CUBN: variants seen among roughly 807,000 people sequenced by gnomAD.
CUBN encodes the protein cubilin.
In CUBN, 282 loss-of-function variants were observed where a neutral mutation model predicts 405.3. The observed-to-expected ratio is 0.70, with a 90% CI of 0.63 to 0.77. CUBN has a LOEUF of 0.77. CUBN is among the 30% of genes least tolerant of loss of function. The pLI is 0.00. For synonymous variants in CUBN, 1,684 were observed against 1,617.0 expected (o/e 1.04, Z -0.99); for missense variants, 4,514 against 4,475.2 (o/e 1.01, Z -0.25).
At chr10:16,973,373 T>C (rs191588896) in intron 31 of CUBN, among the ~76,000 whole-genome samples, 2 of 152,282 alleles carry the variant, frequency 1.3e-5, no homozygotes, top group African/African-American at 4.8e-5. Context: ...CACTGAGCCC[T>C]AGATATGCTA....
intron 47 of CUBN, among the ~76,000 whole-genome samples, chr10:16,914,811 T>C (rs1841835948): frequency 6.6e-6 from 1 of 152,206 alleles, no homozygotes; most frequent in African/African-American, 2.4e-5. Context: ...ACAGTATAAC[T>C]CTCATCCTCT....
In CUBN at chr10:17,006,975, C is replaced by T. The variant is rs1236323412; in HGVS notation, c.4168+12858G>A. Among the ~76,000 whole-genome samples the T allele has an allele frequency of 2.6e-5, 4 of 152,292 alleles. No homozygotes were observed. The East Asian group carries it at 7.7e-4, about 29-fold the overall frequency. On this transcript the variant is annotated intron_variant, in intron 28 of 66. Transcript: ENST00000377833. ...CCCTTAGCCCTGCTCCTGCAAGCTCCCAGCTGAAGGGTTCGCTCCCTTTGC... is the reference window on the plus strand; with the variant it reads ...CCCTTAGCCCTGCTCCTGCAAGCTCTCAGCTGAAGGGTTCGCTCCCTTTGC...
intron 6 of CUBN, among the ~76,000 whole-genome samples, chr10:17,121,105 G>A (rs1244041724): frequency 2.6e-5 from 4 of 152,170 alleles, no homozygotes; most frequent in Admixed American, 2.6e-4. Flanking sequence ...GAGAAACAGA[G>A]TCCTGGAATC....
At chr10:17,026,583 G>A (rs751710179) in intron 27 of CUBN, among the ~76,000 whole-genome samples, 19 of 151,394 alleles carry the variant, frequency 1.3e-4, no homozygotes, top group Non-Finnish European at 2.1e-4. Flanking sequence ...GCAGTGAGCC[G>A]AGATCGCACC....
Position 16,877,014 on chromosome 10 carries a change from T to A in CUBN, c.8989A>T (p.Thr2997Ser). Reference protein sequence around the residue: ...GYSVMSTPFATVCGDEMPAPL... With the variant: ...GYSVMSTPFASVCGDEMPAPL... ...GCTGGCATCTCATCCCCACACACAG[T>A]AGCAAATGGGGTGGACATGACGCTG... Residue 2997 changes from threonine (T) to serine (S), a missense_variant, in exon 57 of 67, where the codon ACT becomes TCT. Coordinates refer to ENST00000377833, the MANE Select transcript of CUBN (RefSeq NM_001081.4). The A allele has an allele frequency of 6.2e-7, 1 of 1,614,036 alleles. No homozygotes were observed. Among genetic ancestry groups the A allele is most frequent in the Non-Finnish European group, 8.5e-7 (1 of 1,179,954 alleles).
intron 39 of CUBN, among the ~76,000 whole-genome samples, chr10:16,935,480 T>C (rs1453997973): frequency 2.0e-5 from 3 of 151,888 alleles, no homozygotes; most frequent in African/African-American, 7.3e-5. Context: ...TCCTGGAGAG[T>C]AGAGATTGTA....
chr10:17,018,783 A>C (rs1203295720), intron 28 of CUBN, among the ~76,000 whole-genome samples: 1 of 152,152 alleles, frequency 6.6e-6, no homozygotes, highest in Non-Finnish European at 1.5e-5. Flanking sequence ...CAGACCGCTG[A>C]TTGGTACATT....
At chr10:17,109,784 G>T in intron 9 of CUBN, 49 bp from the exon 10 acceptor site, 1 of 1,439,078 alleles carries the variant, frequency 6.9e-7, no homozygotes, top group Non-Finnish European at 9.8e-7. Context: ...AAGAAGATGG[G>T]AGGACAAAGC....
In CUBN at chr10:16,949,795, G is replaced by T. The variant is rs28584990; in HGVS notation, c.5080+206C>A. Among the ~76,000 whole-genome samples, 18,778 of 152,002 alleles carry T rather than the reference G, an allele frequency of 0.12. 2,541 individuals carry two copies. The highest frequency in any genetic ancestry group is 0.32 in the African/African-American group (13,171 of 41,412). On this transcript the variant is annotated intron_variant, in intron 34 of 66. Transcript: ENST00000377833. ...AAACATATACACAAACTATTCACAC[G>T]TTTGAATATATTAATAAACAGGCTG...
At position 16,939,011 on chromosome 10, in the gene CUBN, C is replaced by G; in HGVS notation, c.5685G>C (p.Leu1895Phe). The stretch of plus-strand genomic sequence containing the variant: ...TTTGTATTTCTTCTATGTCCATCTC[C>G]AAGATTCTACCATGGACAACGTGAG... ...NASHVVHGRI[L>F]EMDIEEIQNC... Residue 1895 changes from leucine to phenylalanine, a missense_variant, in exon 38 of 67, where the codon TTG becomes TTC. This residue lies in a region of CUBN where 1,613 missense variants were observed against 1,542.8 expected (regional missense o/e 1.05). Coordinates refer to ENST00000377833, the MANE Select transcript of CUBN (RefSeq NM_001081.4). The G allele has an allele frequency of 6.2e-7, 1 of 1,613,814 alleles. No individual in the cohort carries two copies. Among genetic ancestry groups the G allele is most frequent in the Non-Finnish European group, 8.5e-7 (1 of 1,179,812 alleles).
At chr10:17,063,468 TC>T (rs1835545822) in intron 22 of CUBN, among the ~76,000 whole-genome samples, 1 of 152,200 alleles carries the variant, frequency 6.6e-6, no homozygotes, top group Non-Finnish European at 1.5e-5. Context: ...AAACATCGTC[TC>T]CCCTTCACTT....
chr10:16,972,551 C>G (rs1204780942), intron 31 of CUBN, among the ~76,000 whole-genome samples: 1 of 151,942 alleles, frequency 6.6e-6, no homozygotes, highest in Non-Finnish European at 1.5e-5. Flanking sequence ...CATCCTCCCA[C>G]CTCAACCTCC....
rs921120256 is a variant in CUBN at position 16,828,930 on chromosome 10, T to C, written c.10639A>G (p.Arg3547Gly). ...AAGTAGAAGTTGATGGTGACAAGCC[T>C]TCCAGCAGGAGCAACAAGGACCCAC... is the stretch of plus-strand genomic sequence containing the variant. ...CEWVLVAPAG[R>G]LVTINFYFIS... The change falls in exon 66 of 67, where the codon AGG (arginine) becomes GGG (glycine). Residue 3547 changes from arginine to glycine, a missense_variant. Physicochemically the swap from Arg to Gly is moderately radical, Grantham distance 125. This residue lies in a region of CUBN where 1,186 missense variants were observed against 1,186.9 expected (regional missense o/e 1.00). Coordinates refer to ENST00000377833, the MANE Select transcript of CUBN (RefSeq NM_001081.4). The C allele has an allele frequency of 1.9e-6, 3 of 1,614,018 alleles. No homozygotes were observed. Among genetic ancestry groups the C allele is most frequent in the South Asian group, 1.1e-5 (1 of 91,082 alleles).
chr10:16,843,891 T>C (rs1045275129), intron 60 of CUBN, among the ~76,000 whole-genome samples: 1 of 152,128 alleles, frequency 6.6e-6, no homozygotes, highest in African/African-American at 2.4e-5. Context: ...GAAAAATAAG[T>C]GCTACAATAA....
chr10:17,062,833 T>C (rs1835531399), intron 22 of CUBN, among the ~76,000 whole-genome samples: 1 of 152,192 alleles, frequency 6.6e-6, no homozygotes, highest in African/African-American at 2.4e-5. Flanking sequence ...AATACCAACA[T>C]TACTGCTCTG....
intron 4 of CUBN, among the ~76,000 whole-genome samples, chr10:17,125,693 T>C (rs968683921): frequency 6.6e-6 from 1 of 152,072 alleles, no homozygotes; most frequent in Non-Finnish European, 1.5e-5. Flanking sequence ...ATTTGCCCTA[T>C]CCAAAGGCAC....
intron 22 of CUBN, among the ~76,000 whole-genome samples, chr10:17,065,116 TTC>T (rs1160997624): frequency 2.4e-4 from 26 of 109,046 alleles, no homozygotes; most frequent in African/African-American, 3.3e-4. Flanking sequence ...ACTTTATCAT[TTC>T]TCTCTCTCTC....
In CUBN at chr10:17,016,588, G is replaced by A. The variant is rs888938223; in HGVS notation, c.4168+3245C>T. On this transcript the variant is annotated intron_variant, in intron 28 of 66. Coordinates refer to ENST00000377833, the MANE Select transcript of CUBN (RefSeq NM_001081.4). ...CATCTGAAAACTTCCCCAGGTCTGC[G>A]TTGATCTGCTTTAAATCAGAGAGGG... Among the ~76,000 whole-genome samples, 9 of 152,090 alleles carry A rather than the reference G, an allele frequency of 5.9e-5. No individual in the cohort carries two copies. The South Asian group carries it at 6.2e-4, about 11-fold the overall frequency.
chr10:17,021,417 C>T (rs1454453858), intron 27 of CUBN, among the ~76,000 whole-genome samples: 2 of 152,188 alleles, frequency 1.3e-5, no homozygotes, highest in African/African-American at 2.4e-5. Flanking sequence ...TTCACCTAAT[C>T]GCCTTCATGT....
Sources: allele counts gnomAD v4.1 joint callset (sites outside exome capture counted in the v4.1 genomes callset), GRCh38; gene constraint gnomAD v4.1.1; regional missense constraint gnomAD v4.1.1; transcripts MANE v1.5; gene names NCBI Gene and HGNC (gene_info 2026-07-23, HGNC 2026-07-21).